The following PTPRM variants were observed in gnomAD, a reference collection of about 807,000 sequenced individuals.
PTPRM encodes receptor-type tyrosine-protein phosphatase mu.
In PTPRM, 47 loss-of-function variants were observed where a neutral mutation model predicts 186.7. That is an observed-to-expected ratio of 0.25 (90% CI 0.20 to 0.32). The LOEUF is 0.32. PTPRM is among the 10% of genes least tolerant of loss of function. PTPRM has a pLI of 1.00. For synonymous variants in PTPRM, 668 were observed against 674.9 expected, an observed-to-expected ratio of 0.99 and a Z score of 0.16; for missense variants, 1,494 against 1,865.0, an observed-to-expected ratio of 0.80 and a Z score of 3.66.
intron 22 of PTPRM, among the ~76,000 whole-genome samples, chr18:8,341,915 A>G (rs1406791511): frequency 1.3e-5 from 2 of 152,216 alleles, no homozygotes; most frequent in African/African-American, 4.8e-5. Flanking sequence ...TGGCACGCAC[A>G]TGCCAAGGGA....
At chr18:8,300,464 G>A (rs934482656) in intron 20 of PTPRM, among the ~76,000 whole-genome samples, 35 of 151,220 alleles carry the variant, frequency 2.3e-4, no homozygotes, top group African/African-American at 8.3e-4. Context: ...CATTACTTCT[G>A]TGTTACTCAT....
chr18:8,207,904 A>T (rs2159954), intron 14 of PTPRM, among the ~76,000 whole-genome samples: 26 of 152,170 alleles, frequency 1.7e-4, no homozygotes, highest in African/African-American at 6.3e-4. Flanking sequence ...TGTGTGTGTT[A>T]GTGTGTTGTA....
At chr18:7,734,123 A>G (rs2040718899) in intron 1 of PTPRM, among the ~76,000 whole-genome samples, 1 of 152,178 alleles carries the variant, frequency 6.6e-6, no homozygotes, top group Admixed American at 6.5e-5. Flanking sequence ...TTTGCATTAA[A>G]TATCTTGAAG....
intron 14 of PTPRM, among the ~76,000 whole-genome samples, chr18:8,238,651 GTTTTTTTTTTTTTT>G (rs71165776): frequency 3.9e-5 from 1 of 25,774 alleles, no homozygotes; most frequent in African/African-American, 1.7e-4. Flanking sequence ...TGTTTTGTGT[GTTTTTTTTTTTTTT>G]TTTTTTTTTT....
chr18:7,981,153 AC>A (rs2082529310), intron 7 of PTPRM, among the ~76,000 whole-genome samples: 1 of 151,742 alleles, frequency 6.6e-6, no homozygotes, highest in African/African-American at 2.4e-5. Flanking sequence ...TACTACTCCT[AC>A]CTCTCTGCCC....
intron 31 of PTPRM, among the ~76,000 whole-genome samples, chr18:8,392,527 T>C (rs2095820735): frequency 6.6e-6 from 1 of 151,738 alleles, no homozygotes; most frequent in African/African-American, 2.4e-5. Context: ...CTCGGGAGGC[T>C]GAGGCAGGAG....
intron 11 of PTPRM, among the ~76,000 whole-genome samples, chr18:8,097,077 G>T (rs948316607): frequency 2.0e-5 from 3 of 152,078 alleles, no homozygotes; most frequent in African/African-American, 7.2e-5. Context: ...CTCTTCAGCA[G>T]GGCATTTTAT....
intron 2 of PTPRM, among the ~76,000 whole-genome samples, chr18:7,832,250 A>G (rs1398614668): frequency 6.6e-6 from 1 of 152,204 alleles, no homozygotes; most frequent in African/African-American, 2.4e-5. Flanking sequence ...CCAACTGTAT[A>G]TGAAGGTTCC....
rs182437950 is a variant in PTPRM at position 7,901,492 on chromosome 18, G to T, written c.469-5013G>T. Among the ~76,000 whole-genome samples the T allele has an allele frequency of 3.9e-4, 59 of 152,064 alleles. 1 individual carries two copies. The highest frequency in any genetic ancestry group is 1.4e-3 in the African/African-American group (57 of 41,482). ...AGTGATTCTCTTGCCTCAGGCTCCC[G>T]AGTAGCTGGGACTACAGGCGCCCGC... On this transcript the variant is annotated intron_variant, in intron 3 of 32. Transcript: ENST00000580170.
intron 5 of PTPRM, among the ~76,000 whole-genome samples, chr18:7,942,921 A>G (rs1442621560): frequency 6.6e-6 from 1 of 152,144 alleles, no homozygotes; most frequent in African/African-American, 2.4e-5. Context: ...AGAGAGCCTG[A>G]TGTTGCTCTT....
chr18:7,618,155 C>A (rs942991665), intron 1 of PTPRM, among the ~76,000 whole-genome samples: 2 of 152,084 alleles, frequency 1.3e-5, no homozygotes, highest in Non-Finnish European at 2.9e-5. Context: ...ACAAAACAAA[C>A]CCCCTCTCCA....
chr18:8,183,943 C>A (rs1264016908), intron 14 of PTPRM, among the ~76,000 whole-genome samples: 1 of 152,206 alleles, frequency 6.6e-6, no homozygotes. Flanking sequence ...GAAGTCCACT[C>A]TGGGTCTGTG....
At chr18:7,867,583 G>T (rs139769718) in intron 2 of PTPRM, among the ~76,000 whole-genome samples, 1 of 152,196 alleles carries the variant, frequency 6.6e-6, no homozygotes, top group African/African-American at 2.4e-5. Flanking sequence ...AGTCTGATGG[G>T]CTTCCCTTTG....
chr18:7,728,601 G>T (rs1389649712), intron 1 of PTPRM, among the ~76,000 whole-genome samples: 2 of 152,206 alleles, frequency 1.3e-5, no homozygotes, highest in Admixed American at 6.5e-5. Flanking sequence ...AATTAGGAAA[G>T]GGCAGGCAAA....
chr18:7,815,450 A>T (rs1274726679), intron 2 of PTPRM: 2 of 152,168 alleles, frequency 1.3e-5, no homozygotes, highest in Admixed American at 1.3e-4. Context: ...AAAGTGATAC[A>T]TTTGGTTTGG....
At chr18:7,951,019 G>A (rs1156296290) in intron 6 of PTPRM, among the ~76,000 whole-genome samples, 2 of 152,188 alleles carry the variant, frequency 1.3e-5, no homozygotes, top group African/African-American at 2.4e-5. Flanking sequence ...AGCAGTGACT[G>A]ATGTTCGGCG....
chr18:7,807,205 G>T (rs2044279793), intron 2 of PTPRM, among the ~76,000 whole-genome samples: 1 of 152,190 alleles, frequency 6.6e-6, no homozygotes, highest in African/African-American at 2.4e-5. Flanking sequence ...GTGTTTTCTT[G>T]TAGTGCTGAT....
chr18:7,652,206 T>C (rs1483275046), intron 1 of PTPRM, among the ~76,000 whole-genome samples: 7 of 152,214 alleles, frequency 4.6e-5, no homozygotes, highest in East Asian at 1.9e-4. Flanking sequence ...CAATGAGATA[T>C]CATCTAACAC....
intron 2 of PTPRM, among the ~76,000 whole-genome samples, chr18:7,864,993 CTGTT>C (rs1449672369): frequency 2.0e-5 from 3 of 152,080 alleles, no homozygotes; most frequent in Non-Finnish European, 2.9e-5. Flanking sequence ...ATTTGGCTCT[CTGTT>C]TGTCTATTAT....
Sources: allele counts gnomAD v4.1 joint callset (sites outside exome capture counted in the v4.1 genomes callset), GRCh38; gene constraint gnomAD v4.1.1; transcripts MANE v1.5; gene names NCBI Gene and HGNC (gene_info 2026-07-23, HGNC 2026-07-21).